Variants in PRKCH observed in about 807,000 individuals in gnomAD.
PRKCH encodes the protein protein kinase C eta type.
Under a neutral mutation model 82.5 loss-of-function variants are expected in PRKCH, and 28 were observed. The observed-to-expected ratio is 0.34, with a 90% CI of 0.25 to 0.47. PRKCH has a LOEUF of 0.47. PRKCH is among the 20% of genes least tolerant of loss of function. The pLI, the probability that PRKCH is intolerant of heterozygous loss-of-function variation, is 1.00. For synonymous variants in PRKCH, 322 were observed against 327.4 expected (o/e 0.98, Z 0.18); for missense variants, 705 against 881.8 (o/e 0.80, Z 2.54).
chr14:61,428,938 T>C (rs1427930893), intron 2 of PRKCH, among the ~76,000 whole-genome samples: 1 of 152,358 alleles, frequency 6.6e-6, no homozygotes, highest in Non-Finnish European at 1.5e-5. Context: ...CTATAGTTTT[T>C]TCTTTTTTTG....
intron 1 of PRKCH, among the ~76,000 whole-genome samples, chr14:61,238,588 G>A (rs12432218): frequency 0.41 from 61,743 of 151,900 alleles, 12,941 homozygotes; most frequent in African/African-American, 0.5. Flanking sequence ...TCATTTCTTG[G>A]TAACCATATA....
intron 9 of PRKCH, among the ~76,000 whole-genome samples, chr14:61,467,854 A>C (rs1885327885): frequency 6.6e-6 from 1 of 152,214 alleles, no homozygotes; most frequent in South Asian, 2.1e-4. Context: ...CATTGAACAA[A>C]ATATCTCATT....
At chr14:61,203,038 T>C (rs1003086973) in intron 1 of PRKCH, among the ~76,000 whole-genome samples, 10 of 152,116 alleles carry the variant, frequency 6.6e-5, no homozygotes, top group Non-Finnish European at 1.2e-4. Context: ...CTCCCCCTAA[T>C]TGATTTTTTT....
At chr14:61,448,549 A>AG (rs1003803147) in intron 4 of PRKCH, among the ~76,000 whole-genome samples, 6 of 152,178 alleles carry the variant, frequency 3.9e-5, no homozygotes, top group Non-Finnish European at 7.4e-5. Flanking sequence ...GGGAGATCAG[A>AG]GGAGGGCAGG....
chr14:61,199,822 A>G (rs965486447), intron 1 of PRKCH, among the ~76,000 whole-genome samples: 6 of 152,204 alleles, frequency 3.9e-5, no homozygotes, highest in African/African-American at 1.4e-4. Flanking sequence ...CTTAAGCTGC[A>G]CGCAAAGAAT....
chr14:61,188,493 C>T (rs1170974712), intron 1 of PRKCH, among the ~76,000 whole-genome samples: 1 of 152,010 alleles, frequency 6.6e-6, no homozygotes, highest in Non-Finnish European at 1.5e-5. Flanking sequence ...GGCTCCGCAA[C>T]CCAACCTCTT....
intron 1 of PRKCH, among the ~76,000 whole-genome samples, chr14:61,329,091 G>A (rs1353713585): frequency 6.6e-6 from 1 of 151,868 alleles, no homozygotes; most frequent in East Asian, 1.9e-4. Context: ...AGACCTAAGT[G>A]GAAACAATCC....
At chr14:61,234,335 T>C (rs1194831719) in intron 1 of PRKCH, among the ~76,000 whole-genome samples, 1 of 152,188 alleles carries the variant, frequency 6.6e-6, no homozygotes, top group African/African-American at 2.4e-5. Flanking sequence ...GAAATTGAGC[T>C]GATGTGGGGA....
At chr14:61,384,589 A>G (rs2046559515) in intron 1 of PRKCH, among the ~76,000 whole-genome samples, 1 of 151,928 alleles carries the variant, frequency 6.6e-6, no homozygotes, top group South Asian at 2.1e-4. Context: ...GAGATAGGGG[A>G]TAAGTTCAGA....
chr14:61,370,124 A>G (rs901283090), intron 1 of PRKCH, among the ~76,000 whole-genome samples: 1 of 151,880 alleles, frequency 6.6e-6, no homozygotes, highest in South Asian at 2.1e-4. Context: ...TTGTATTTTT[A>G]GTAGAGACAA....
At chr14:61,301,144 T>C (rs1329197275) in intron 1 of PRKCH, among the ~76,000 whole-genome samples, 1 of 152,210 alleles carries the variant, frequency 6.6e-6, no homozygotes, top group African/African-American at 2.4e-5. Flanking sequence ...ACTTCTCGTG[T>C]GTCCATGTCC....
chr14:61,225,418 C>T (rs8004191), intron 1 of PRKCH, among the ~76,000 whole-genome samples: 74,324 of 152,108 alleles, frequency 0.49, 20,657 homozygotes, highest in African/African-American at 0.76. Context: ...GCATATCCTC[C>T]TAAGCACTCT....
chr14:61,278,029 GGGCCTGGAACCAT>G (rs1433287062), intron 1 of PRKCH: 1 of 152,154 alleles, frequency 6.6e-6, no homozygotes, highest in African/African-American at 2.4e-5. Flanking sequence ...CCAGAGAACA[GGGCCTGGAACCAT>G]ATTCGTTAAT....
Position 61,196,023 on chromosome 14 carries a change from G to A in PRKCH, c.-19+8355G>A, listed in dbSNP as rs61990842. Among the ~76,000 whole-genome samples, 141 of 152,310 alleles carry A rather than the reference G, an allele frequency of 9.3e-4. 2 individuals carry two copies. Among genetic ancestry groups the A allele is most frequent in the Non-Finnish European group, 1.6e-3 (110 of 68,030 alleles). ...AAGCTATTTTTGTGCTGAAGTAGAA[G>A]AGGCAGTAAGAAGGGCAATATTAAA... On this transcript the variant is annotated intron_variant, in intron 1 of 3. Coordinates refer to the PRKCH transcript ENST00000555185.
chr14:61,465,035 G>A (rs1885195257), intron 9 of PRKCH, among the ~76,000 whole-genome samples: 1 of 152,156 alleles, frequency 6.6e-6, no homozygotes, highest in African/African-American at 2.4e-5. Context: ...CTTCTTTTGA[G>A]AAATGTCTAT....
chr14:61,274,279 T>C (rs1018068300), intron 1 of PRKCH, among the ~76,000 whole-genome samples: 1 of 152,060 alleles, frequency 6.6e-6, no homozygotes, highest in Non-Finnish European at 1.5e-5. Context: ...TGGCTGGAAT[T>C]TGGTGGGGTG....
At chr14:61,281,195 G>A in intron 1 of PRKCH, 2 of 1,157,644 alleles carry the variant, frequency 1.7e-6, no homozygotes, top group Non-Finnish European at 1.1e-6. Flanking sequence ...TGGGGGCCCC[G>A]CCGCGGGGCG....
At chr14:61,478,533 A>T (rs1388853563) in intron 9 of PRKCH, among the ~76,000 whole-genome samples, 1 of 152,186 alleles carries the variant, frequency 6.6e-6, no homozygotes, top group Non-Finnish European at 1.5e-5. Flanking sequence ...AGATGTTATT[A>T]TCCCAGATTT....
chr14:61,380,010 G>C (rs376206981), intron 1 of PRKCH, among the ~76,000 whole-genome samples: 1 of 152,114 alleles, frequency 6.6e-6, no homozygotes, highest in East Asian at 1.9e-4. Context: ...CCCTAGGGAC[G>C]TCTTATCAGA....
Sources: allele counts gnomAD v4.1 joint callset (sites outside exome capture counted in the v4.1 genomes callset), GRCh38; gene constraint gnomAD v4.1.1; transcripts MANE v1.5; gene names NCBI Gene and HGNC (gene_info 2026-07-23, HGNC 2026-07-21).